The following EMG1 variants were observed in gnomAD, a reference collection of about 807,000 sequenced individuals.
EMG1 encodes EMG1 N1-specific pseudouridine methyltransferase, also known as ribosomal RNA small subunit methyltransferase NEP1.
A neutral mutation model predicts 26.9 loss-of-function variants in EMG1; 24 were observed. The observed-to-expected ratio is 0.89, with a 90% CI of 0.65 to 1.26. The LOEUF (loss-of-function observed/expected upper bound fraction) is 1.26, where lower values mean the gene tolerates loss of function less well. Among genes scored for constraint, EMG1 ranks in the 50% most tolerant of loss-of-function variants. The pLI is 0.00. For missense variants in EMG1, 299 were observed against 307.6 expected (o/e 0.97, Z 0.21); for synonymous variants, 140 against 112.6 (o/e 1.24, Z -1.54).
intron 5 of EMG1, 123 bp from the exon 6 acceptor site, chr12:6,975,573 T>TAGGG (rs1555153044): frequency 4.1e-6 from 4 of 968,832 alleles, no homozygotes; most frequent in Non-Finnish European, 5.0e-6. Context: ...TCATCCTTTG[T>TAGGG]AGGGATTTGA....
downstream of EMG1, among the ~76,000 whole-genome samples, chr12:6,980,401 G>A (rs149121146): frequency 3.6e-3 from 549 of 152,220 alleles, 7 homozygotes; most frequent in Middle Eastern, 0.014. Flanking sequence ...CCAGAATGGA[G>A]TGCAGTGGTG....
At chr12:6,993,810 C>T (rs755781187) in intron 7 of EMG1, among the ~76,000 whole-genome samples, 170 of 152,280 alleles carry the variant, frequency 1.1e-3, no homozygotes, top group Non-Finnish European at 2.1e-3. Flanking sequence ...CAAGGTCTCA[C>T]TATGTTGCTC....
chr12:6,973,226 G>A (rs1385320221), intron 1 of EMG1, among the ~76,000 whole-genome samples: 2 of 151,900 alleles, frequency 1.3e-5, no homozygotes, highest in Non-Finnish European at 2.9e-5. Flanking sequence ...GGAGTGCAGT[G>A]GTACAGTCTT....
At chr12:6,990,916 CA>C (rs59031613), downstream of EMG1, among the ~76,000 whole-genome samples, 877 of 68,118 alleles carry the variant, frequency 0.013, 4 homozygotes, top group Non-Finnish European at 0.024. Flanking sequence ...GACTCCAAAT[CA>C]AAAAAAAAAA....
downstream of EMG1, among the ~76,000 whole-genome samples, chr12:6,989,294 A>G (rs1196549663): frequency 6.7e-6 from 1 of 150,332 alleles, no homozygotes; most frequent in Non-Finnish European, 1.5e-5. Context: ...CCCTAATGCT[A>G]GGGACATTCA....
At chr12:6,981,504 G>T, downstream of EMG1, 1 of 1,276,776 alleles carries the variant, frequency 7.8e-7, no homozygotes, top group Non-Finnish European at 1.1e-6. Context: ...GAGAGGCTCC[G>T]CTCTGGAATT....
downstream of EMG1, among the ~76,000 whole-genome samples, chr12:6,990,567 T>A (rs7487926): frequency 0.36 from 43,048 of 120,658 alleles, 7,803 homozygotes; most frequent in Middle Eastern, 0.55. Flanking sequence ...ATAAATAAAT[T>A]GAGCACCCCA....
In EMG1 at chr12:6,977,534, G is replaced by A; in HGVS notation, c.*1725G>A. On this transcript the variant is annotated 3_prime_UTR_variant, in exon 6 of 6. Coordinates refer to ENST00000599672, the MANE Select transcript of EMG1 (RefSeq NM_006331.8). This position sits in a 1 kb window ranked among gnomAD's most constrained non-coding sequence, Gnocchi z 4.5. ...TGAATGAGCCTGGCAGCCTGGGGAG[G>A]GAGGAGGAGCTCATCAGCATCTTGT... 3.1e-6 allele frequency: 5 copies of A among 1,614,152 alleles called. No individual in the cohort carries two copies. Among genetic ancestry groups the A allele is most frequent in the Non-Finnish European group, 4.2e-6 (5 of 1,180,010 alleles).
intron 1 of EMG1, among the ~76,000 whole-genome samples, 183 bp downstream of exon 1, chr12:6,971,274 CTTTT>C (rs34818013): frequency 3.0e-5 from 4 of 135,464 alleles, no homozygotes; most frequent in South Asian, 2.3e-4. Flanking sequence ...ATTTTTCTTT[CTTTT>C]TTTTTTTTTT....
intron 1 of EMG1, 59 bp downstream of exon 1, chr12:6,971,150 G>C (rs1946320786): frequency 7.1e-7 from 1 of 1,407,514 alleles, no homozygotes; most frequent in Non-Finnish European, 9.9e-7. Context: ...TCCGTGGAAT[G>C]AGGGTAAGGG....
Position 6,975,390 on chromosome 12 carries a change from G to C in EMG1, c.621+12G>C. ...TTGCCCATGGCAAGGTAAGGTCTGGGCTCAACCCTGAAATTCTTGGTAGAG... is the reference window on the plus strand; with the variant it reads ...TTGCCCATGGCAAGGTAAGGTCTGGCCTCAACCCTGAAATTCTTGGTAGAG... On this transcript the variant is annotated intron_variant, in intron 5 of 5. Coordinates refer to ENST00000599672, the MANE Select transcript of EMG1 (RefSeq NM_006331.8). 2 of 1,579,914 alleles carry C rather than the reference G, an allele frequency of 1.3e-6. No individual in the cohort carries two copies. Among genetic ancestry groups the C allele is most frequent in the Non-Finnish European group, 1.7e-6 (2 of 1,163,018 alleles).
downstream of EMG1, chr12:6,982,966 A>C (rs782044203): frequency 2.7e-5 from 18 of 669,800 alleles, no homozygotes; most frequent in Non-Finnish European, 3.0e-5. Context: ...TTAGGGTGTT[A>C]TTTTATTTCT....
chr12:6,986,884 CGGGT>C (rs1477246545), intron 6 of EMG1, among the ~76,000 whole-genome samples: 1 of 150,030 alleles, frequency 6.7e-6, no homozygotes, highest in Non-Finnish European at 1.5e-5. Context: ...GAGGCTTAGG[CGGGT>C]GGGTCGCCTG....
chr12:6,975,462 C>G, intron 5 of EMG1, 84 bp downstream of exon 5: 1 of 1,387,858 alleles, frequency 7.2e-7, no homozygotes, highest in South Asian at 1.4e-5. Context: ...TTTAACAATG[C>G]TTACAATGAG....
In EMG1 at chr12:6,978,535, C is replaced by T. The variant is rs781846950; in HGVS notation, c.*2726C>T. 1 of 1,611,976 alleles carries T rather than the reference C, an allele frequency of 6.2e-7. No homozygotes were observed. The highest frequency in any genetic ancestry group is 8.5e-7 in the Non-Finnish European group (1 of 1,178,368). On this transcript the variant is annotated 3_prime_UTR_variant, in exon 6 of 6. Transcript: ENST00000599672. ...GAGAGGGAATAGCTCAGTTAGGGCT[C>T]TTGCCACTCCCCATACTGGCCCCCA...
chr12:6,979,560 G>T lies in EMG1; in HGVS notation c.*3751G>T. 6.2e-7 allele frequency: 1 copy of T among 1,613,646 alleles called. No individual in the cohort carries two copies. The highest frequency in any genetic ancestry group is 8.5e-7 in the Non-Finnish European group (1 of 1,179,550). ...AGGTAGAAAAGGCCCAGACTCAGGC[G>T]CTTGAGAGCAGGAATGATGCTGGAA... On this transcript the variant is annotated 3_prime_UTR_variant, in exon 6 of 6. Coordinates refer to ENST00000599672, the MANE Select transcript of EMG1 (RefSeq NM_006331.8).
rs948006646 is a variant in EMG1 at position 6,987,160 on chromosome 12, G to T, written c.*155-622G>T. 3.3e-5 allele frequency among the ~76,000 whole-genome samples: 5 copies of T among 152,142 alleles called. No homozygotes were observed. Among genetic ancestry groups the T allele is most frequent in the Non-Finnish European group, 7.3e-5 (5 of 68,042 alleles). On this transcript the variant is annotated intron_variant and NMD_transcript_variant, in intron 6 of 7. Coordinates refer to the EMG1 transcript ENST00000261406. The surrounding 1 kb of genome is among the most constrained non-coding windows in gnomAD (Gnocchi z 4.1). ...TATGAGGATTTTTGACTGTACAAGG[G>T]GTGGGATCCCATAGGACCTGCGCTG...
chr12:6,995,093 A>C (rs1427550004), intron 7 of EMG1, among the ~76,000 whole-genome samples: 1 of 149,406 alleles, frequency 6.7e-6, no homozygotes, highest in Admixed American at 6.8e-5. Context: ...TAAGGCATAA[A>C]TTTCTCCCTA....
rs370505796 is a variant in EMG1, at chr12:6,974,533, C to G, written c.271-19C>G. 1.9e-6 allele frequency: 3 copies of G among 1,612,184 alleles called. No homozygotes were observed. The highest frequency in any genetic ancestry group is 1.3e-5 in the African/African-American group (1 of 74,900). ...CCTCTCTTCAGCCTTAACCATGTCTCGGTTTCTGCTTTGCTCAGAGTTTGC... is the reference window on the plus strand; with the variant it reads ...CCTCTCTTCAGCCTTAACCATGTCTGGGTTTCTGCTTTGCTCAGAGTTTGC... On this transcript the variant is annotated intron_variant, in intron 2 of 5. Transcript: ENST00000599672.
Sources: allele counts gnomAD v4.1 joint callset (sites outside exome capture counted in the v4.1 genomes callset), GRCh38; gene constraint gnomAD v4.1.1; non-coding constraint Gnocchi (gnomAD v3.1); transcripts MANE v1.5; gene names NCBI Gene and HGNC (gene_info 2026-07-23, HGNC 2026-07-21).